VEPH1: variants seen among roughly 807,000 people sequenced by gnomAD.
VEPH1 encodes the protein ventricular zone expressed PH domain containing 1.
In VEPH1, 80 loss-of-function variants were observed where a neutral mutation model predicts 85.2. That is an observed-to-expected ratio of 0.94 (90% CI 0.78 to 1.13). The LOEUF is 1.13. VEPH1 is among the 50% of genes most tolerant of loss of function. The pLI is 0.00. For missense variants in VEPH1, 955 were observed against 980.5 expected (o/e 0.97, Z 0.35); for synonymous variants, 297 against 348.0 (o/e 0.85, Z 1.63).
intron 5 of VEPH1, among the ~76,000 whole-genome samples, chr3:157,424,528 T>C (rs1461158098): frequency 1.3e-5 from 2 of 152,176 alleles, no homozygotes; most frequent in African/African-American, 4.8e-5. Context: ...TAGAGACTTG[T>C]TGAATAGCTT....
intron 9 of VEPH1, among the ~76,000 whole-genome samples, chr3:157,338,849 A>T (rs895539487): frequency 1.3e-5 from 2 of 152,216 alleles, no homozygotes; most frequent in African/African-American, 4.8e-5. Flanking sequence ...TGCTGGGCAG[A>T]CTTGTCCCTT....
At chr3:157,363,221 AAC>A in intron 9 of VEPH1, 141 bp downstream of exon 9, 1 of 744,988 alleles carries the variant, frequency 1.3e-6, no homozygotes, top group Non-Finnish European at 2.0e-6. Context: ...AAAAAAAACT[AAC>A]ATAATGTAAG....
intron 7 of VEPH1, among the ~76,000 whole-genome samples, chr3:157,371,515 A>G (rs1727482868): frequency 6.6e-6 from 1 of 152,182 alleles, no homozygotes; most frequent in Non-Finnish European, 1.5e-5. Context: ...CATCAGCATC[A>G]CCTTGGAGCT....
At chr3:157,328,045 C>A (rs192417851) in intron 9 of VEPH1, among the ~76,000 whole-genome samples, 1 of 152,270 alleles carries the variant, frequency 6.6e-6, no homozygotes, top group Admixed American at 6.5e-5. Flanking sequence ...AGTTACATAA[C>A]CTCTCTGTGG....
chr3:157,376,042 C>T (rs778700599), intron 7 of VEPH1, among the ~76,000 whole-genome samples: 18 of 152,224 alleles, frequency 1.2e-4, no homozygotes, highest in Non-Finnish European at 2.5e-4. Flanking sequence ...CTCTACCCTC[C>T]TCTGCCCCAG....
At chr3:157,331,671 G>GCAGCT (rs1722520492) in intron 9 of VEPH1, among the ~76,000 whole-genome samples, 1 of 152,184 alleles carries the variant, frequency 6.6e-6, no homozygotes, top group South Asian at 2.1e-4. Flanking sequence ...TACACTTCTT[G>GCAGCT]CAGCTCTTTC....
chr3:157,470,613 A>C, intron 2 of VEPH1, 84 bp from the exon 3 acceptor site: 1 of 1,352,560 alleles, frequency 7.4e-7, no homozygotes, highest in Non-Finnish European at 1.0e-6. Flanking sequence ...AGTCATTTAG[A>C]AAATGGGTGC....
intron 9 of VEPH1, among the ~76,000 whole-genome samples, chr3:157,335,606 C>T (rs1469465393): frequency 2.0e-5 from 3 of 152,034 alleles, no homozygotes; most frequent in Non-Finnish European, 2.9e-5. Flanking sequence ...AATGTTTTCC[C>T]CTTTGAATAC....
At chr3:157,465,490 A>T (rs977575341) in intron 3 of VEPH1, among the ~76,000 whole-genome samples, 2 of 152,188 alleles carry the variant, frequency 1.3e-5, no homozygotes, top group African/African-American at 4.8e-5. Context: ...TAATATCTGC[A>T]TTTTACATAT....
chr3:157,309,077 TTTG>T lies in VEPH1; in HGVS notation c.2010+4541_2010+4543del, dbSNP rs199680377. Among the ~76,000 whole-genome samples the T allele has an allele frequency of 4.5e-4, 69 of 152,066 alleles. 1 individual carries two copies. The highest frequency in any genetic ancestry group is 7.9e-4 in the Admixed American group (12 of 15,268). ...CTCCTTATTTCTGTCTTGTGTTCTA[TTTG>T]TTGTTGTTGTTATTATTATTATTAT... On this transcript the variant is annotated intron_variant, in intron 11 of 13. Coordinates refer to ENST00000362010, the MANE Select transcript of VEPH1 (RefSeq NM_001167912.2).
Position 157,364,327 on chromosome 3 carries a change from T to C in VEPH1, c.1313A>G (p.Glu438Gly). The C allele has an allele frequency of 6.2e-7, 1 of 1,612,744 alleles. No homozygotes were observed. Among genetic ancestry groups the C allele is most frequent in the East Asian group, 2.2e-5 (1 of 44,828 alleles). Residue 438 changes from glutamate to glycine, a missense_variant, in exon 8 of 14, where the codon GAA (glutamate) becomes GGA (glycine). By Grantham distance (98) the Glu-to-Gly change is moderately conservative. Coordinates refer to ENST00000362010, the MANE Select transcript of VEPH1 (RefSeq NM_001167912.2). ...CCTGTTAAATCTAATGTTTTTTCTT[T>C]CTTCTTTAGAAACTTGGCCCAGACT... ...RYSLGQVSKEERKNIRFNRSK... is the reference protein window; with the variant it reads ...RYSLGQVSKEGRKNIRFNRSK...
At chr3:157,419,705 C>T (rs1020353942) in intron 5 of VEPH1, among the ~76,000 whole-genome samples, 2 of 152,084 alleles carry the variant, frequency 1.3e-5, no homozygotes, top group Non-Finnish European at 2.9e-5. Context: ...GAAAAAGGAA[C>T]ATTTTTACAC....
intron 9 of VEPH1, among the ~76,000 whole-genome samples, chr3:157,361,986 G>A (rs1395201832): frequency 6.6e-6 from 1 of 152,020 alleles, no homozygotes; most frequent in Admixed American, 6.6e-5. Flanking sequence ...CACTGTTACT[G>A]ATCTTGCTGT....
At chr3:157,327,145 G>T (rs1259128407) in intron 9 of VEPH1, among the ~76,000 whole-genome samples, 1 of 151,554 alleles carries the variant, frequency 6.6e-6, no homozygotes, top group Non-Finnish European at 1.5e-5. Flanking sequence ...TGTGTAGAGT[G>T]AAAAAAAACC....
intron 12 of VEPH1, among the ~76,000 whole-genome samples, chr3:157,282,290 C>A (rs76214714): frequency 1.3e-3 from 205 of 152,156 alleles, no homozygotes; most frequent in African/African-American, 4.5e-3. Flanking sequence ...ACCACAGCTT[C>A]AAACTCCTGG....
chr3:157,393,464 A>C (rs1432750932), intron 6 of VEPH1, among the ~76,000 whole-genome samples: 5 of 152,206 alleles, frequency 3.3e-5, no homozygotes, highest in Admixed American at 1.3e-4. Context: ...TATTAGTATT[A>C]TTTTTAGTAT....
chr3:157,460,996 GA>G (rs1241308613), intron 3 of VEPH1, among the ~76,000 whole-genome samples: 3 of 151,794 alleles, frequency 2.0e-5, no homozygotes, highest in African/African-American at 7.3e-5. Flanking sequence ...TTACACTTGA[GA>G]AAAAAACCTA....
At chr3:157,316,307 C>T (rs1720750244) in intron 10 of VEPH1, among the ~76,000 whole-genome samples, 1 of 151,600 alleles carries the variant, frequency 6.6e-6, no homozygotes, top group South Asian at 2.1e-4. Context: ...TCTGCCTTTA[C>T]CCTCCCTGCT....
intron 11 of VEPH1, among the ~76,000 whole-genome samples, chr3:157,291,789 A>G (rs184498933): frequency 5.0e-4 from 76 of 152,306 alleles, no homozygotes; most frequent in African/African-American, 1.7e-3. Context: ...TAAATGTTCA[A>G]TGAATTATTA....
Sources: allele counts gnomAD v4.1 joint callset (sites outside exome capture counted in the v4.1 genomes callset), GRCh38; gene constraint gnomAD v4.1.1; transcripts MANE v1.5; gene names NCBI Gene and HGNC (gene_info 2026-07-23, HGNC 2026-07-21).